Variants in CDCA5 observed in about 807,000 individuals in gnomAD.
CDCA5 encodes the protein cell division cycle associated 5.
A neutral mutation model predicts 25.7 loss-of-function variants in CDCA5; 14 were observed. That is an observed-to-expected ratio of 0.54 (90% confidence interval 0.36 to 0.85). CDCA5 has a LOEUF of 0.85. CDCA5 is among the 40% of genes least tolerant of loss of function. CDCA5 has a pLI of 0.01. For synonymous variants in CDCA5, 127 were observed against 128.7 expected, an observed-to-expected ratio of 0.99 and a Z score of 0.09; for missense variants, 307 against 324.5, an observed-to-expected ratio of 0.95 and a Z score of 0.41.
downstream of CDCA5, among the ~76,000 whole-genome samples, chr11:65,061,911 CTAA>C (rs1405376449): frequency 1.5e-5 from 2 of 133,266 alleles, no homozygotes; most frequent in African/African-American, 2.9e-5. Context: ...TTCCAGCTGC[CTAA>C]TTTTTTTTTT....
downstream of CDCA5, among the ~76,000 whole-genome samples, chr11:65,061,795 AC>A (rs149429806): frequency 3.2e-3 from 455 of 143,290 alleles, 2 homozygotes; most frequent in Middle Eastern, 0.014. Context: ...AAAAAAAAAA[AC>A]AAAAAAAACC....
Position 65,078,563 on chromosome 11 carries a change from C to T in CDCA5, c.*544G>A. ...AGCTTCTTCCTCCAAGACAGAATTGCCCTCAGCCCACGAATTCTCTCTGGG... is the reference window on the plus strand; with the variant it reads ...AGCTTCTTCCTCCAAGACAGAATTGTCCTCAGCCCACGAATTCTCTCTGGG... On this transcript the variant is annotated 3_prime_UTR_variant, in exon 6 of 6. Coordinates refer to ENST00000275517, the MANE Select transcript of CDCA5 (RefSeq NM_080668.4). 6.1e-6 allele frequency: 6 copies of T among 985,782 alleles called. No individual in the cohort carries two copies. Among genetic ancestry groups the T allele is most frequent in the Non-Finnish European group, 7.2e-6 (6 of 830,178 alleles). The allele number at this position is 985,782 out of a possible 1,614,324, so 61.1% of individuals were successfully genotyped here.
At chr11:65,067,815 G>A (rs894415804) in intron 3 of CDCA5, 4 of 1,049,158 alleles carry the variant, frequency 3.8e-6, no homozygotes, top group Non-Finnish European at 5.2e-6. Context: ...AAGTGGGTGG[G>A]TGGTGTGGGG....
At chr11:65,070,397 G>C (rs985963254) in intron 1 of CDCA5, among the ~76,000 whole-genome samples, 3 of 152,240 alleles carry the variant, frequency 2.0e-5, no homozygotes, top group Non-Finnish European at 4.4e-5. Flanking sequence ...TATGGGCTGG[G>C]TACCAGTGTA....
downstream of CDCA5, among the ~76,000 whole-genome samples, chr11:65,072,461 G>A (rs1458805945): frequency 1.3e-5 from 2 of 152,330 alleles, no homozygotes; most frequent in Non-Finnish European, 2.9e-5. Flanking sequence ...CAAGAAATGG[G>A]GACAGGTGTG....
chr11:65,080,190 AAC>A (rs1264683826), intron 4 of CDCA5, among the ~76,000 whole-genome samples: 3 of 152,120 alleles, frequency 2.0e-5, no homozygotes, highest in African/African-American at 7.2e-5. Context: ...ATGCCCGGCC[AAC>A]ACACACTTTT....
rs777063404 is a variant in CDCA5, at chr11:65,083,730, A to G, written c.47-7T>C. 1.9e-6 allele frequency: 3 copies of G among 1,609,048 alleles called. No homozygotes were observed. Among genetic ancestry groups the G allele is most frequent in the East Asian group, 2.2e-5 (1 of 44,830 alleles). ...GGAGATGGGGCCCTTGGCCCTGGAA[A>G]GAGAAAAAAGTTAAGTGGTAGAGGA... On this transcript the variant is annotated splice_polypyrimidine_tract_variant and splice_region_variant and intron_variant, in intron 1 of 5. Coordinates refer to ENST00000275517, the MANE Select transcript of CDCA5 (RefSeq NM_080668.4).
At chr11:65,066,914 C>T (rs973356658) in intron 4 of CDCA5, 4 of 1,286,072 alleles carry the variant, frequency 3.1e-6, no homozygotes, top group African/African-American at 3.0e-5. Context: ...CCACCTCAGC[C>T]AGGCTTTTGT....
intron 4 of CDCA5, among the ~76,000 whole-genome samples, chr11:65,083,024 A>C (rs776915225): frequency 1.1e-4 from 17 of 152,182 alleles, no homozygotes; most frequent in African/African-American, 2.9e-4. Flanking sequence ...AACTTCTGCT[A>C]AAACTGTAAA....
rs1012774642 is a variant in CDCA5 at position 65,083,391 on chromosome 11, A to G, written c.216T>C (p.Ala72=). 1.2e-6 allele frequency: 2 copies of G among 1,614,106 alleles called. No homozygotes were observed. Among genetic ancestry groups the G allele is most frequent in the African/African-American group, 2.7e-5 (2 of 74,942 alleles). The change falls in exon 4 of 6, where the codon GCT becomes GCC. Residue 72 remains alanine, a synonymous_variant. Transcript: ENST00000275517. The stretch of plus-strand genomic sequence containing the variant: ...TAGGGCTCCTGCGAGGTGATTGGAC[A>G]GCTGGGACCTGCGGGGGACAATACC... ...RIVAHAVEVP[A]VQSPRRSPRI... is the part of the protein sequence containing the mutation.
intron 4 of CDCA5, among the ~76,000 whole-genome samples, chr11:65,080,588 T>C (rs974747331): frequency 7.2e-5 from 11 of 152,148 alleles, no homozygotes; most frequent in African/African-American, 2.4e-4. Context: ...GATTTTTTTT[T>C]AGTTTCTTTG....
At position 65,079,669 on chromosome 11, in the gene CDCA5, T is replaced by A; in HGVS notation, c.362A>T (p.Glu121Val). Residue 121 changes from glutamate (E) to valine (V), a missense_variant, in exon 5 of 6, where the codon GAG becomes GTG. Transcript: ENST00000275517. ...TPTSTPVPNPEAESSSKEGEL... is the reference protein window; with the variant it reads ...TPTSTPVPNPVAESSSKEGEL... ...TCCTTCCTTGGAGCTGGACTCGGCC[T>A]CAGGGTTCGGCACAGGAGTGCTGGT... The A allele has an allele frequency of 6.2e-7, 1 of 1,602,256 alleles. No homozygotes were observed. The highest frequency in any genetic ancestry group is 8.5e-7 in the Non-Finnish European group (1 of 1,173,128).
At chr11:65,061,883 A>T (rs886077037), downstream of CDCA5, among the ~76,000 whole-genome samples, 4 of 146,456 alleles carry the variant, frequency 2.7e-5, no homozygotes, top group Non-Finnish European at 6.0e-5. Context: ...AATCTAACCC[A>T]TCCCCGAACT....
chr11:65,072,911 C>T (rs1207490263), downstream of CDCA5, among the ~76,000 whole-genome samples: 1 of 150,376 alleles, frequency 6.6e-6, no homozygotes, highest in Non-Finnish European at 1.5e-5. Flanking sequence ...TACCATGCAC[C>T]AAGTGCTTTA....
At chr11:65,072,935 A>ATTTTTTTT (rs1242662667), downstream of CDCA5, among the ~76,000 whole-genome samples, 3 of 127,152 alleles carry the variant, frequency 2.4e-5, no homozygotes, top group Admixed American at 7.8e-5. Flanking sequence ...GTATTATTTC[A>ATTTTTTTT]TTCTTTTTTT....
exon 7 of CDCA5, chr11:65,066,397 C>G: frequency 8.2e-7 from 1 of 1,225,682 alleles, no homozygotes; most frequent in Non-Finnish European, 1.0e-6. Flanking sequence ...CCTGGCCAGG[C>G]CTGACCCTGG....
chr11:65,067,856 G>A (rs1947269084), intron 3 of CDCA5: 1 of 816,726 alleles, frequency 1.2e-6, no homozygotes, highest in Non-Finnish European at 1.8e-6. Context: ...GCTTCAGCAG[G>A]CCTCTCTGGG....
At chr11:65,069,505 G>A (rs1251343762) in intron 1 of CDCA5, among the ~76,000 whole-genome samples, 1 of 152,040 alleles carries the variant, frequency 6.6e-6, no homozygotes, top group Admixed American at 6.6e-5. Context: ...TCTGCAGAGG[G>A]CCCCGTAACC....
chr11:65,079,156 A>G lies in CDCA5; in HGVS notation c.710T>C (p.Met237Thr), dbSNP rs200941468. ...KTELDEWAAA[M>T]NAEFEAAEQF... ...CTCAGCAGCTTCAAACTCGGCATTC[A>G]TGGCCGCAGCCCACTCATCCAGCTC... is the stretch of plus-strand genomic sequence containing the variant. The change falls in exon 6 of 6, where the codon ATG becomes ACG. Residue 237 changes from methionine (M) to threonine (T), a missense_variant. Coordinates refer to ENST00000275517, the MANE Select transcript of CDCA5 (RefSeq NM_080668.4). 40 of 1,521,046 alleles carry G rather than the reference A, an allele frequency of 2.6e-5. No homozygotes were observed. Among genetic ancestry groups the G allele is most frequent in the Non-Finnish European group, 3.3e-5 (37 of 1,136,108 alleles). The allele number at this position is 1,521,046 out of a possible 1,614,324, so 94.2% of individuals were successfully genotyped here. A position where few individuals can be genotyped will look rare whatever the true frequency, so the allele number is the denominator to read the frequency against.
Sources: allele counts gnomAD v4.1 joint callset (sites outside exome capture counted in the v4.1 genomes callset), GRCh38; gene constraint gnomAD v4.1.1; transcripts MANE v1.5; gene names NCBI Gene and HGNC (gene_info 2026-07-23, HGNC 2026-07-21).